LYST: variants seen among roughly 807,000 people sequenced by gnomAD.
LYST encodes lysosomal trafficking regulator, also known as lysosomal-trafficking regulator.
A neutral mutation model predicts 413.6 loss-of-function variants in LYST; 192 were observed. The observed-to-expected ratio is 0.46, with a 90% CI of 0.41 to 0.52. LYST has a LOEUF of 0.52. Among genes scored for constraint, LYST ranks in the 20% least tolerant of loss-of-function variants. LYST has a pLI of 0.00. For synonymous variants in LYST, 1,525 were observed against 1,567.3 expected, an observed-to-expected ratio of 0.97 and a Z score of 0.64; for missense variants, 3,815 against 4,499.9, an observed-to-expected ratio of 0.85 and a Z score of 4.35.
chr1:235,815,881 C>T (rs1474660548), intron 3 of LYST, among the ~76,000 whole-genome samples: 1 of 151,998 alleles, frequency 6.6e-6, no homozygotes, highest in African/African-American at 2.4e-5. Context: ...GCCTGTAATC[C>T]CAACACTTTG....
intron 44 of LYST, 113 bp from the exon 45 acceptor site, chr1:235,703,090 T>A (rs1241039321): frequency 4.9e-6 from 4 of 815,556 alleles, no homozygotes; most frequent in Non-Finnish European, 8.2e-6. Flanking sequence ...ATGGAAAAAA[T>A]GCTTTTGTTC....
At chr1:235,729,802 T>C in intron 36 of LYST, 145 bp from the exon 37 acceptor site, 2 of 658,378 alleles carry the variant, frequency 3.0e-6, no homozygotes, top group Non-Finnish European at 5.5e-6. Flanking sequence ...GAAACCCACA[T>C]GAAAATATTA....
intron 39 of LYST, among the ~76,000 whole-genome samples, chr1:235,722,730 C>A (rs1316267058): frequency 3.3e-5 from 5 of 152,040 alleles, no homozygotes; most frequent in Admixed American, 6.6e-5. Flanking sequence ...ATGATCTGCC[C>A]GCCTCGGCCT....
At chr1:235,738,930 G>T (rs868686417) in intron 31 of LYST, 4 of 727,750 alleles carry the variant, frequency 5.5e-6, no homozygotes, top group Non-Finnish European at 1.0e-5. Flanking sequence ...TGAGGAAGGG[G>T]CCCATTTGAA....
At chr1:235,816,311 T>C (rs1262745987) in intron 3 of LYST, among the ~76,000 whole-genome samples, 1 of 149,522 alleles carries the variant, frequency 6.7e-6, no homozygotes, top group Non-Finnish European at 1.5e-5. Context: ...CATGATGCCA[T>C]GTGCCTGTAG....
intron 1 of LYST, among the ~76,000 whole-genome samples, chr1:235,866,395 C>T (rs1040944397): frequency 5.3e-5 from 8 of 152,194 alleles, no homozygotes; most frequent in Admixed American, 2.0e-4. Context: ...GCGCGGAAAC[C>T]GTCAACTCCC....
At chr1:235,860,594 G>A (rs56129001) in intron 1 of LYST, among the ~76,000 whole-genome samples, 1 of 152,102 alleles carries the variant, frequency 6.6e-6, no homozygotes, top group Non-Finnish European at 1.5e-5. Context: ...AAAGTATGCA[G>A]ACTTTTCAGT....
At chr1:235,865,228 G>C (rs1012101027) in intron 1 of LYST, among the ~76,000 whole-genome samples, 2 of 152,074 alleles carry the variant, frequency 1.3e-5, no homozygotes, top group Non-Finnish European at 1.5e-5. Flanking sequence ...ACTTACTTCT[G>C]GTCTTGGCTC....
intron 43 of LYST, among the ~76,000 whole-genome samples, chr1:235,710,383 C>T (rs1199918922): frequency 6.6e-6 from 1 of 152,040 alleles, no homozygotes; most frequent in African/African-American, 2.4e-5. Flanking sequence ...GCGGCAGCAG[C>T]AGGAACTTAT....
intron 12 of LYST, 21 bp from the exon 13 acceptor site, chr1:235,788,866 A>C (rs762478549): frequency 8.7e-6 from 14 of 1,610,850 alleles, no homozygotes; most frequent in Non-Finnish European, 1.2e-5. Flanking sequence ...AAGATGTTAG[A>C]ATGATCAGTA....
chr1:235,811,803 A>G (rs1572344038), intron 4 of LYST, among the ~76,000 whole-genome samples: 1 of 152,192 alleles, frequency 6.6e-6, no homozygotes, highest in East Asian at 1.9e-4. Context: ...GATGCAGACA[A>G]TGAAGACAAC....
At chr1:235,688,207 C>T (rs778049770) in intron 47 of LYST, among the ~76,000 whole-genome samples, 2 of 152,158 alleles carry the variant, frequency 1.3e-5, no homozygotes. Flanking sequence ...AGTGAATCAA[C>T]CTAAGTTACA....
At chr1:235,744,607 A>G (rs80278617) in intron 29 of LYST, among the ~76,000 whole-genome samples, 3,887 of 57,534 alleles carry the variant, frequency 0.068, 150 homozygotes, top group African/African-American at 0.26. Context: ...AGAAAAGTGG[A>G]AAAAAAAAAA....
intron 13 of LYST, 107 bp downstream of exon 13, chr1:235,788,591 CTTT>C (rs973122091): frequency 4.1e-6 from 4 of 980,412 alleles, no homozygotes; most frequent in Non-Finnish European, 6.4e-6. Flanking sequence ...TTAAATGAGA[CTTT>C]TTGTTTTGCT....
intron 11 of LYST, among the ~76,000 whole-genome samples, chr1:235,792,665 ATTTTT>A (rs57005666): frequency 8.0e-6 from 1 of 124,734 alleles, no homozygotes; most frequent in Non-Finnish European, 1.7e-5. Context: ...TCATGTTTAG[ATTTTT>A]TTTTTTTTTT....
chr1:235,702,070 T>G (rs1661595133), intron 45 of LYST, among the ~76,000 whole-genome samples: 1 of 152,230 alleles, frequency 6.6e-6, no homozygotes, highest in Non-Finnish European at 1.5e-5. Context: ...TTCCCTTACC[T>G]TTTCATTTTC....
intron 27 of LYST, 126 bp from the exon 28 acceptor site, chr1:235,751,488 T>C (rs762486146): frequency 3.8e-5 from 30 of 791,150 alleles, no homozygotes; most frequent in Non-Finnish European, 5.9e-5. Flanking sequence ...AGCATGGGGA[T>C]GATGGTAGTA....
chr1:235,834,382 T>C (rs1572404096), intron 1 of LYST, among the ~76,000 whole-genome samples: 1 of 152,116 alleles, frequency 6.6e-6, no homozygotes, highest in African/African-American at 2.4e-5. Flanking sequence ...AGTTTTAAAA[T>C]CAGATTGATT....
intron 43 of LYST, among the ~76,000 whole-genome samples, chr1:235,709,730 A>G (rs1261739438): frequency 6.7e-6 from 1 of 150,186 alleles, no homozygotes; most frequent in Non-Finnish European, 1.5e-5. Flanking sequence ...TAACATTTTA[A>G]TAAATTTAAG....
Sources: gnomAD v4.1 joint callset for allele counts (sites outside exome capture counted in the v4.1 genomes callset) on GRCh38, gnomAD v4.1.1 for gene constraint, MANE v1.5 for transcripts, NCBI Gene and HGNC (gene_info 2026-07-23, HGNC 2026-07-21) for gene names.